Variants in FGF1 observed in about 807,000 individuals in gnomAD.
FGF1 encodes fibroblast growth factor 1.
A neutral mutation model predicts 13.4 loss-of-function variants in FGF1; 9 were observed. That is an observed-to-expected ratio of 0.67 (90% CI 0.40 to 1.17). FGF1 has a LOEUF of 1.17. Ranked by LOEUF, FGF1 falls within the 50% of genes most tolerant of loss-of-function variation. FGF1 has a pLI of 0.01. For missense variants in FGF1, 156 were observed against 192.7 expected (o/e 0.81, Z 1.13); for synonymous variants, 93 against 79.0 (o/e 1.18, Z -0.94).
chr5:142,599,039 C>T (rs1234220229), intron 3 of FGF1, among the ~76,000 whole-genome samples: 5 of 152,170 alleles, frequency 3.3e-5, no homozygotes, highest in Admixed American at 6.5e-5. Context: ...CTCTGATGGG[C>T]GCATTCTGTG....
intron 1 of FGF1, among the ~76,000 whole-genome samples, chr5:142,658,321 T>C (rs974945759): frequency 2.6e-5 from 4 of 152,246 alleles, no homozygotes; most frequent in African/African-American, 9.6e-5. Flanking sequence ...CTGTAGCTTA[T>C]TCCCCTTACC....
At chr5:142,662,314 G>C (rs1769411523) in intron 1 of FGF1, among the ~76,000 whole-genome samples, 1 of 152,206 alleles carries the variant, frequency 6.6e-6, no homozygotes, top group Non-Finnish European at 1.5e-5. Context: ...TTCACTAATA[G>C]TGTCTCTTTT....
chr5:142,625,359 G>A (rs576984139), intron 1 of FGF1, among the ~76,000 whole-genome samples: 7 of 150,954 alleles, frequency 4.6e-5, no homozygotes, highest in South Asian at 4.2e-4. Context: ...CACGTGTCCT[G>A]TAGTATCCTT....
chr5:142,619,078 G>A (rs1760912599), intron 1 of FGF1, among the ~76,000 whole-genome samples: 1 of 151,840 alleles, frequency 6.6e-6, no homozygotes, highest in Non-Finnish European at 1.5e-5. Context: ...GGGACTACAG[G>A]CGCCTGCCAC....
At chr5:142,694,103 CTAT>C (rs1752703078) in intron 2 of FGF1, among the ~76,000 whole-genome samples, 2 of 149,914 alleles carry the variant, frequency 1.3e-5, no homozygotes, top group African/African-American at 5.0e-5. Flanking sequence ...ATCTATCTAT[CTAT>C]CTATCTATCT....
intron 1 of FGF1, among the ~76,000 whole-genome samples, chr5:142,676,783 G>C (rs1772694224): frequency 6.6e-6 from 1 of 152,230 alleles, no homozygotes; most frequent in Non-Finnish European, 1.5e-5. Flanking sequence ...ATGGCAGTGA[G>C]CTTTGTGTGG....
intron 3 of FGF1, among the ~76,000 whole-genome samples, chr5:142,597,998 G>A (rs921457457): frequency 3.3e-5 from 5 of 152,176 alleles, no homozygotes; most frequent in Non-Finnish European, 7.3e-5. Context: ...TGACAACAGG[G>A]TGAGACACTT....
chr5:142,631,586 T>C (rs1282866485), intron 1 of FGF1, among the ~76,000 whole-genome samples: 2 of 152,158 alleles, frequency 1.3e-5, no homozygotes. Context: ...CATGCTATTG[T>C]TTTTATATTA....
intron 2 of FGF1, among the ~76,000 whole-genome samples, chr5:142,603,416 T>C (rs249915): frequency 0.48 from 73,506 of 151,732 alleles, 18,633 homozygotes; most frequent in African/African-American, 0.64. Flanking sequence ...CCACATCCTC[T>C]TCCTCCTCTG....
chr5:142,689,694 GTTTT>G (rs5871823), upstream of FGF1, among the ~76,000 whole-genome samples: 6 of 115,482 alleles, frequency 5.2e-5, no homozygotes, highest in South Asian at 3.1e-4. Context: ...CTCGATCCTA[GTTTT>G]TTTTTTTTTT....
In FGF1 at chr5:142,652,757, G is replaced by A. The variant is rs567340512; in HGVS notation, c.-35+33200C>T. Among the ~76,000 whole-genome samples, 42 of 152,328 alleles carry A rather than the reference G, an allele frequency of 2.8e-4. 1 individual carries two copies. The highest frequency in any genetic ancestry group is 1.6e-3 in the Admixed American group (25 of 15,288). ...TGGCTGGAGGAGTGGGTGCCTCGGC[G>A]GTGGCCGCAGCCCTTCCTCATCACC... On this transcript the variant is annotated intron_variant, in intron 1 of 3. Coordinates refer to ENST00000337706, the MANE Select transcript of FGF1 (RefSeq NM_000800.5).
At chr5:142,619,062 G>A (rs113602655) in intron 1 of FGF1, among the ~76,000 whole-genome samples, 1 of 150,782 alleles carries the variant, frequency 6.6e-6, no homozygotes, top group Admixed American at 6.7e-5. Context: ...AGCCTCCTGA[G>A]TAGCTGGGAC....
At chr5:142,649,400 G>C (rs188964133) in intron 1 of FGF1, among the ~76,000 whole-genome samples, 1 of 150,708 alleles carries the variant, frequency 6.6e-6, no homozygotes, top group East Asian at 2.0e-4. Context: ...ATAATCTCTA[G>C]GGGTGGACAT....
At chr5:142,618,558 T>C (rs964598052) in intron 1 of FGF1, among the ~76,000 whole-genome samples, 3 of 152,214 alleles carry the variant, frequency 2.0e-5, no homozygotes, top group African/African-American at 7.2e-5. Flanking sequence ...TGTGATTAAA[T>C]GCTTAATTTA....
chr5:142,671,387 C>G (rs1226308927), intron 1 of FGF1, among the ~76,000 whole-genome samples: 4 of 152,142 alleles, frequency 2.6e-5, no homozygotes, highest in Non-Finnish European at 1.5e-5. Context: ...TCTAAACAGT[C>G]CTGCTTTATT....
intron 1 of FGF1, chr5:142,626,811 G>GA (rs1370917208): frequency 2.0e-5 from 3 of 152,418 alleles, no homozygotes; most frequent in African/African-American, 7.2e-5. Flanking sequence ...AAGGGTGGGG[G>GA]AGAGGCCAGA....
chr5:142,646,586 C>T (rs1478342826), intron 1 of FGF1, among the ~76,000 whole-genome samples: 1 of 152,074 alleles, frequency 6.6e-6, no homozygotes, highest in Non-Finnish European at 1.5e-5. Flanking sequence ...CGCCTGACCT[C>T]ATGCTCTGCC....
intron 1 of FGF1, among the ~76,000 whole-genome samples, chr5:142,648,855 C>A (rs976939582): frequency 4.6e-5 from 7 of 151,814 alleles, no homozygotes; most frequent in African/African-American, 1.7e-4. Context: ...TAGGACCAGG[C>A]CCTGGAAGAG....
At chr5:142,643,942 TATC>T in intron 1 of FGF1, among the ~76,000 whole-genome samples, 2 of 152,362 alleles carry the variant, frequency 1.3e-5, no homozygotes, top group Non-Finnish European at 2.9e-5. Flanking sequence ...AGTTGGCTAT[TATC>T]ATTATCCTAT....
Sources: gnomAD v4.1 joint callset for allele counts (sites outside exome capture counted in the v4.1 genomes callset) on GRCh38, gnomAD v4.1.1 for gene constraint, MANE v1.5 for transcripts, NCBI Gene and HGNC (gene_info 2026-07-23, HGNC 2026-07-21) for gene names.